The following SPRYD7 variants were observed in gnomAD, a reference collection of about 807,000 sequenced individuals.
SPRYD7 encodes SPRY domain containing 7.
A neutral mutation model predicts 23.8 loss-of-function variants in SPRYD7; 14 were observed. That is an observed-to-expected ratio of 0.59 (90% CI 0.39 to 0.92). The LOEUF is 0.92. Ranked by LOEUF, SPRYD7 falls within the 40% of genes least tolerant of loss-of-function variation. The pLI is 0.00. For missense variants in SPRYD7, 194 were observed against 241.7 expected, an observed-to-expected ratio of 0.80 and a Z score of 1.31; for synonymous variants, 75 against 84.9, an observed-to-expected ratio of 0.88 and a Z score of 0.64.
intron 1 of SPRYD7, 37 bp from the exon 2 acceptor site, chr13:49,931,171 ATTTTCTTTTC>A (rs745432121): frequency 3.1e-5 from 42 of 1,370,736 alleles, no homozygotes; most frequent in African/African-American, 1.9e-4. Context: ...AAAGTTTTGT[ATTTTCTTTTC>A]TTTTCTTTTC....
At chr13:49,936,091 CCCGTGAG>C in intron 1 of SPRYD7, 32 bp downstream of exon 1, 1 of 1,494,242 alleles carries the variant, frequency 6.7e-7, no homozygotes, top group South Asian at 1.3e-5. Flanking sequence ...GCGCCCGGCC[CCCGTGAG>C]CCGTTGGGTC....
intron 3 of SPRYD7, among the ~76,000 whole-genome samples, chr13:49,924,769 T>C (rs1426633476): frequency 6.7e-6 from 1 of 150,326 alleles, no homozygotes; most frequent in African/African-American, 2.4e-5. Context: ...AGGTCAGGAG[T>C]TCCAGACCAG....
intron 2 of SPRYD7, among the ~76,000 whole-genome samples, chr13:49,929,123 A>G (rs1049281211): frequency 6.6e-6 from 1 of 152,112 alleles, no homozygotes; most frequent in Non-Finnish European, 1.5e-5. Context: ...GGTGTAAGCC[A>G]CCATGCCCCA....
At chr13:49,917,731 C>T (rs1358832854) in intron 4 of SPRYD7, among the ~76,000 whole-genome samples, 1 of 152,160 alleles carries the variant, frequency 6.6e-6, no homozygotes, top group Non-Finnish European at 1.5e-5. Context: ...ATAACTGTCA[C>T]TCTACTGATA....
chr13:49,934,873 T>C (rs1048506839), intron 1 of SPRYD7, among the ~76,000 whole-genome samples: 3 of 152,322 alleles, frequency 2.0e-5, no homozygotes, highest in African/African-American at 7.2e-5. Flanking sequence ...TCAGCACTTA[T>C]AACAATGCCT....
chr13:49,928,135 T>G (rs367552412), intron 2 of SPRYD7, 50 bp from the exon 3 acceptor site: 91 of 1,522,600 alleles, frequency 6.0e-5, no homozygotes, highest in Non-Finnish European at 7.8e-5. Context: ...ACTACAACCA[T>G]CGAGTTATTT....
chr13:49,928,092 A>C lies in SPRYD7; in HGVS notation c.224-7T>G, dbSNP rs1955904483. 1 of 1,612,576 alleles carries C rather than the reference A, an allele frequency of 6.2e-7. No individual in the cohort carries two copies. The highest frequency in any genetic ancestry group is 2.2e-5 in the East Asian group (1 of 44,864). ...ACACCAATACCCCAGATTCCTAAAA[A>C]TATAACAGTTTAAATGCCCTCAAAA... On this transcript the variant is annotated splice_region_variant and splice_polypyrimidine_tract_variant and intron_variant, in intron 2 of 4. Coordinates refer to ENST00000361840, the MANE Select transcript of SPRYD7 (RefSeq NM_020456.4).
intron 2 of SPRYD7, among the ~76,000 whole-genome samples, chr13:49,928,646 C>G (rs1377564088): frequency 6.6e-6 from 1 of 152,066 alleles, no homozygotes; most frequent in East Asian, 1.9e-4. Flanking sequence ...ACTCACCTTG[C>G]AAGGTAATGA....
At chr13:49,928,136 C>A in intron 2 of SPRYD7, 51 bp from the exon 3 acceptor site, 2 of 1,518,140 alleles carry the variant, frequency 1.3e-6, no homozygotes, top group African/African-American at 1.4e-5. Flanking sequence ...CTACAACCAT[C>A]GAGTTATTTT....
intron 3 of SPRYD7, among the ~76,000 whole-genome samples, chr13:49,922,373 G>A (rs969453837): frequency 2.0e-5 from 3 of 151,046 alleles, no homozygotes; most frequent in Non-Finnish European, 4.4e-5. Flanking sequence ...CTTAGCCCAT[G>A]TTATAAACCA....
intron 4 of SPRYD7, among the ~76,000 whole-genome samples, chr13:49,920,338 G>C (rs947397106): frequency 3.9e-5 from 6 of 152,114 alleles, no homozygotes; most frequent in African/African-American, 1.4e-4. Flanking sequence ...TCCCTCAGAA[G>C]AGCATTAACA....
chr13:49,936,236 C>T lies in SPRYD7; in HGVS notation c.-1G>A, dbSNP rs1871625598. 2.5e-6 allele frequency: 4 copies of T among 1,598,876 alleles called. No homozygotes were observed. Among genetic ancestry groups the T allele is most frequent in the Non-Finnish European group, 2.6e-6 (3 of 1,175,498 alleles). ...GGCAGCACAACACCGAGGTGGCCAT[C>T]GCGCAGGGACCACCGACTCCGCCGC... On this transcript the variant is annotated 5_prime_UTR_variant, in exon 1 of 5. Transcript: ENST00000361840.
chr13:49,918,189 A>G (rs1290762946), intron 4 of SPRYD7, among the ~76,000 whole-genome samples: 1 of 152,110 alleles, frequency 6.6e-6, no homozygotes, highest in Admixed American at 6.6e-5. Context: ...CAGCCTCTCA[A>G]GTAGCTGGGA....
intron 1 of SPRYD7, among the ~76,000 whole-genome samples, chr13:49,933,326 C>CGAGG (rs2138242695): frequency 6.6e-6 from 1 of 152,218 alleles, no homozygotes; most frequent in Admixed American, 6.5e-5. Flanking sequence ...CTTGGCCAGG[C>CGAGG]GAGGTGGCTA....
chr13:49,916,619 A>G (rs1009550092), intron 4 of SPRYD7, among the ~76,000 whole-genome samples: 10 of 151,626 alleles, frequency 6.6e-5, no homozygotes, highest in Admixed American at 1.3e-4. Flanking sequence ...AAAAAAAAAG[A>G]AAGAAAAACA....
chr13:49,917,652 A>G (rs1249133762), intron 4 of SPRYD7, among the ~76,000 whole-genome samples: 1 of 152,238 alleles, frequency 6.6e-6, no homozygotes, highest in Non-Finnish European at 1.5e-5. Context: ...TAACCTTAGT[A>G]CATTACAAAT....
In SPRYD7 at chr13:49,914,079, C is replaced by T. The variant is rs200258374; in HGVS notation, c.*984G>A. 1.7e-4 allele frequency: 26 copies of T among 153,762 alleles called. No individual in the cohort carries two copies. The highest frequency in any genetic ancestry group is 1.2e-3 in the Admixed American group (19 of 15,292). 9.5% of individuals were successfully genotyped at this position (153,762 alleles called of 1,614,324 possible). A position where few individuals can be genotyped will look rare whatever the true frequency, so the allele number is the denominator to read the frequency against. ...GCCATGCTCATTTGAAAACAGACAA[C>T]GTATCTAAAGATGTATAGAGTGATT... On this transcript the variant is annotated 3_prime_UTR_variant, in exon 5 of 5. Transcript: ENST00000361840.
At chr13:49,927,612 C>T (rs1412841569) in intron 3 of SPRYD7, among the ~76,000 whole-genome samples, 2 of 151,998 alleles carry the variant, frequency 1.3e-5, no homozygotes, top group African/African-American at 4.8e-5. Flanking sequence ...GAATTGTGGG[C>T]CAAGTTTTCT....
chr13:49,917,297 G>A (rs945639208), intron 4 of SPRYD7, among the ~76,000 whole-genome samples: 25 of 152,124 alleles, frequency 1.6e-4, no homozygotes, highest in African/African-American at 5.3e-4. Context: ...TAGAGACGGG[G>A]TTTCACCCTG....
Sources: gnomAD v4.1 joint callset for allele counts (sites outside exome capture counted in the v4.1 genomes callset) on GRCh38, gnomAD v4.1.1 for gene constraint, MANE v1.5 for transcripts, NCBI Gene and HGNC (gene_info 2026-07-23, HGNC 2026-07-21) for gene names.